MGAT4C: variants seen among roughly 807,000 people sequenced by gnomAD.
MGAT4C encodes the protein MGAT4 family member C, also known as alpha-1,3-mannosyl-glycoprotein 4-beta-N-acetylglucosaminyltransferase C.
MGAT4C carries 19 observed loss-of-function variants against 40.1 expected under a neutral mutation model. The ratio of observed to expected loss-of-function variants is 0.47; its 90% CI spans 0.33 to 0.70. The LOEUF (loss-of-function observed/expected upper bound fraction) is 0.70, where lower values mean the gene tolerates loss of function less well. MGAT4C is among the 30% of genes least tolerant of loss of function. MGAT4C has a pLI of 0.02. For missense variants in MGAT4C, 491 were observed against 563.2 expected (o/e 0.87, Z 1.30); for synonymous variants, 181 against 187.1 (o/e 0.97, Z 0.27).
chr12:86,777,274 A>G (rs533626271), intron 1 of MGAT4C, among the ~76,000 whole-genome samples: 3 of 152,238 alleles, frequency 2.0e-5, no homozygotes, highest in Non-Finnish European at 4.4e-5. Flanking sequence ...AAATGCTGGA[A>G]GAATGATTTA....
chr12:86,415,236 A>G (rs1188828062), intron 3 of MGAT4C, among the ~76,000 whole-genome samples: 2 of 152,078 alleles, frequency 1.3e-5, no homozygotes, highest in Non-Finnish European at 2.9e-5. Flanking sequence ...TAAGTCAATT[A>G]CAGGTGTTCT....
Position 85,975,523 on chromosome 12 carries a change from T to G in MGAT4C, c.*3766A>C, listed in dbSNP as rs569047356. ...AGTAAATTTCCTCATATTGGGAGGC[T>G]GGTAATGCAGAACTGGGTGTCAAAA... On this transcript the variant is annotated 3_prime_UTR_variant, in exon 5 of 5. Coordinates refer to ENST00000611864, the MANE Select transcript of MGAT4C (RefSeq NM_001351288.2). The G allele has an allele frequency of 6.6e-6, 1 of 151,024 alleles. No individual in the cohort carries two copies. The highest frequency in any genetic ancestry group is 2.4e-5 in the African/African-American group (1 of 41,462). 9.4% of individuals were successfully genotyped at this position (151,024 alleles called of 1,614,324 possible).
intron 1 of MGAT4C, among the ~76,000 whole-genome samples, chr12:86,133,845 G>T (rs1038308601): frequency 1.3e-5 from 2 of 151,884 alleles, no homozygotes; most frequent in African/African-American, 4.8e-5. Context: ...TATTCAATTA[G>T]GGAAAAACAA....
intron 2 of MGAT4C, among the ~76,000 whole-genome samples, chr12:86,480,838 C>A (rs1212022586): frequency 6.6e-6 from 1 of 151,530 alleles, no homozygotes; most frequent in Admixed American, 6.6e-5. Context: ...ATAAAACAAC[C>A]TTTTGTATTG....
intron 3 of MGAT4C, among the ~76,000 whole-genome samples, chr12:86,336,428 T>C (rs971626742): frequency 4.6e-5 from 7 of 152,216 alleles, no homozygotes; most frequent in African/African-American, 9.6e-5. Context: ...CAGGTGTCTA[T>C]TATGTGCCAG....
chr12:86,442,458 T>G (rs1957250683), intron 2 of MGAT4C, among the ~76,000 whole-genome samples: 1 of 152,200 alleles, frequency 6.6e-6, no homozygotes, highest in South Asian at 2.1e-4. Flanking sequence ...AGTTTTTTTC[T>G]AGGGTTTTTA....
chr12:86,690,601 C>A (rs978750509), intron 2 of MGAT4C, among the ~76,000 whole-genome samples: 2 of 152,124 alleles, frequency 1.3e-5, no homozygotes, highest in Non-Finnish European at 2.9e-5. Flanking sequence ...CTGAGTGAGG[C>A]GACATCCCAC....
chr12:86,363,371 G>T (rs1955524903), intron 3 of MGAT4C, among the ~76,000 whole-genome samples: 1 of 151,972 alleles, frequency 6.6e-6, no homozygotes, highest in African/African-American at 2.4e-5. Context: ...TAATTTATAA[G>T]TCAAAAAGAA....
chr12:86,588,759 C>T (rs1206388735), intron 2 of MGAT4C, among the ~76,000 whole-genome samples: 16 of 151,984 alleles, frequency 1.1e-4, no homozygotes, highest in Middle Eastern at 3.4e-3. Context: ...CACTCAAAAC[C>T]GCTCAACTAC....
chr12:86,581,634 T>C (rs1960782268), intron 2 of MGAT4C, among the ~76,000 whole-genome samples: 1 of 151,450 alleles, frequency 6.6e-6, no homozygotes, highest in African/African-American at 2.4e-5. Flanking sequence ...TTCATTTTAG[T>C]CAAGAATATA....
chr12:86,354,484 G>A (rs1211936099), intron 3 of MGAT4C, among the ~76,000 whole-genome samples: 1 of 152,102 alleles, frequency 6.6e-6, no homozygotes, highest in African/African-American at 2.4e-5. Flanking sequence ...GCGTCTCGAT[G>A]AAGGCAAAAG....
intron 3 of MGAT4C, among the ~76,000 whole-genome samples, chr12:85,988,416 T>G (rs1231464713): frequency 6.6e-6 from 1 of 152,146 alleles, no homozygotes. Flanking sequence ...AAAGCATTTT[T>G]TTTTGGAAAT....
At chr12:86,672,592 T>C (rs1964285535) in intron 2 of MGAT4C, among the ~76,000 whole-genome samples, 1 of 151,896 alleles carries the variant, frequency 6.6e-6, no homozygotes, top group Admixed American at 6.6e-5. Context: ...AAGGAGACAA[T>C]ACATCTGATA....
chr12:86,062,810 G>C (rs555128082), intron 1 of MGAT4C, among the ~76,000 whole-genome samples: 76 of 151,952 alleles, frequency 5.0e-4, no homozygotes, highest in African/African-American at 1.8e-3. Flanking sequence ...AAAGTGAGAA[G>C]ACAAGTTTGG....
chr12:86,200,014 C>T (rs536412433), intron 1 of MGAT4C, among the ~76,000 whole-genome samples: 3 of 152,012 alleles, frequency 2.0e-5, no homozygotes, highest in East Asian at 3.9e-4. Flanking sequence ...CCTCATGACC[C>T]CTTCCTGTCA....
In MGAT4C at chr12:86,541,528, T is replaced by C. The variant is rs150270475; in HGVS notation, c.-228-106263A>G. On this transcript the variant is annotated intron_variant, in intron 2 of 7. Coordinates refer to the MGAT4C transcript ENST00000548651. The stretch of plus-strand genomic sequence containing the variant: ...AATTTACACACTACCACATTTAAAA[T>C]TTACAAAATAAGCAGCTGAAAATGG... Among the ~76,000 whole-genome samples the C allele has an allele frequency of 1.1e-3, 160 of 152,276 alleles. 4 individuals carry two copies. Among genetic ancestry groups the C allele is most frequent in the African/African-American group, 3.7e-3 (152 of 41,558 alleles).
chr12:86,279,913 A>C (rs1953171229), intron 4 of MGAT4C, among the ~76,000 whole-genome samples: 1 of 151,766 alleles, frequency 6.6e-6, no homozygotes, highest in Non-Finnish European at 1.5e-5. Flanking sequence ...CATACTGTTT[A>C]ATTTCCATAT....
chr12:86,250,330 T>TGAGAGAGAGA lies in MGAT4C; in HGVS notation c.-57+5899_-57+5908dup, dbSNP rs3047014. Among the ~76,000 whole-genome samples the TGAGAGAGAGA allele has an allele frequency of 1.3e-3, 181 of 142,902 alleles. 1 individual carries two copies. Among genetic ancestry groups the TGAGAGAGAGA allele is most frequent in the African/African-American group, 3.6e-3 (138 of 38,616 alleles). The allele number at this position is 142,902 out of a possible 152,430, so 93.7% of individuals were successfully genotyped here. A position where few individuals can be genotyped will look rare whatever the true frequency, so the allele number is the denominator to read the frequency against. ...ACAAGCAACCTACACACACACACAC[T>TGAGAGAGAGA]GAGAGAGAGAGAGAGAGAGAGAGAG... On this transcript the variant is annotated intron_variant, in intron 1 of 4. Transcript: ENST00000611864.
At chr12:86,571,193 AT>A (rs1244454496) in intron 2 of MGAT4C, among the ~76,000 whole-genome samples, 8 of 152,046 alleles carry the variant, frequency 5.3e-5, no homozygotes, top group South Asian at 2.1e-4. Flanking sequence ...AATGCTCATT[AT>A]TTTTTAATAC....
Sources: allele counts gnomAD v4.1 joint callset (sites outside exome capture counted in the v4.1 genomes callset), GRCh38; gene constraint gnomAD v4.1.1; transcripts MANE v1.5; gene names NCBI Gene and HGNC (gene_info 2026-07-23, HGNC 2026-07-21).